Variants in ATP9B observed in about 807,000 individuals in gnomAD.
ATP9B encodes ATPase phospholipid transporting 9B, also known as probable phospholipid-transporting ATPase IIB.
Under a neutral mutation model 146.1 loss-of-function variants are expected in ATP9B, and 110 were observed. The ratio of observed to expected loss-of-function variants is 0.75; its 90% CI spans 0.65 to 0.88. The LOEUF is 0.88. Ranked by LOEUF, ATP9B falls within the 40% of genes least tolerant of loss-of-function variation. The pLI, the probability that ATP9B is intolerant of heterozygous loss-of-function variation, is 0.00. For missense variants in ATP9B, 1,499 were observed against 1,496.4 expected, an observed-to-expected ratio of 1.00 and a Z score of -0.03; for synonymous variants, 604 against 569.7, an observed-to-expected ratio of 1.06 and a Z score of -0.86.
chr18:79,356,794 T>G (rs2096956234), intron 25 of ATP9B, among the ~76,000 whole-genome samples: 1 of 151,920 alleles, frequency 6.6e-6, no homozygotes. Context: ...AGGGACCCTG[T>G]GTGAGGGGTG....
chr18:79,076,348 C>A (rs1426099289), intron 1 of ATP9B, among the ~76,000 whole-genome samples: 3 of 152,158 alleles, frequency 2.0e-5, no homozygotes, highest in Admixed American at 6.5e-5. Flanking sequence ...CTACTGGAAA[C>A]AAATTCTCTT....
chr18:79,288,442 C>CT (rs889293485), intron 13 of ATP9B, among the ~76,000 whole-genome samples: 30 of 151,916 alleles, frequency 2.0e-4, no homozygotes, highest in Middle Eastern at 3.4e-3. Flanking sequence ...CAACCCCTGC[C>CT]TTTTTTTTGT....
intron 13 of ATP9B, among the ~76,000 whole-genome samples, chr18:79,294,766 C>G (rs972940365): frequency 6.6e-6 from 1 of 152,150 alleles, no homozygotes; most frequent in Non-Finnish European, 1.5e-5. Flanking sequence ...ATGATACTGA[C>G]ATGCCCATGG....
intron 27 of ATP9B, 91 bp downstream of exon 27, chr18:79,372,973 C>G: frequency 1.1e-6 from 1 of 897,320 alleles, no homozygotes. Context: ...GATTAAATTC[C>G]AACAGCTTAA....
intron 11 of ATP9B, among the ~76,000 whole-genome samples, chr18:79,226,169 G>C (rs1337148376): frequency 6.6e-6 from 1 of 152,174 alleles, no homozygotes; most frequent in African/African-American, 2.4e-5. Flanking sequence ...TCATGTTTTG[G>C]GTGTCACAGC....
At chr18:79,283,511 A>G (rs1384117324) in intron 13 of ATP9B, among the ~76,000 whole-genome samples, 1 of 152,248 alleles carries the variant, frequency 6.6e-6, no homozygotes, top group Non-Finnish European at 1.5e-5. Flanking sequence ...ACGGCAGAAT[A>G]GAAAATGAAG....
At chr18:79,105,049 A>G (rs1301923242) in intron 2 of ATP9B, among the ~76,000 whole-genome samples, 1 of 152,212 alleles carries the variant, frequency 6.6e-6, no homozygotes, top group African/African-American at 2.4e-5. Flanking sequence ...GCACTAAGGA[A>G]TGTCCTACTG....
chr18:79,110,489 T>C lies in ATP9B; in HGVS notation c.428T>C (p.Phe143Ser). The C allele has an allele frequency of 6.2e-7, 1 of 1,611,536 alleles. No homozygotes were observed. Residue 143 changes from phenylalanine to serine, a missense_variant, in exon 3 of 30, where the codon TTT becomes TCT. Transcript: ENST00000426216. ...NSIKNQKYNV[F>S]TFIPGVLYEQ... is the part of the protein sequence containing the mutation. ...ATAAAAAATCAAAAATACAATGTGT[T>C]TACCTTTATACCTGGGGTAAGACTA...
At chr18:79,251,421 A>G (rs1411776136) in intron 11 of ATP9B, among the ~76,000 whole-genome samples, 3 of 152,264 alleles carry the variant, frequency 2.0e-5, no homozygotes, top group African/African-American at 7.2e-5. Context: ...TTACTATTTT[A>G]TGATTCTGTT....
chr18:79,106,589 A>G (rs945768674), intron 2 of ATP9B, among the ~76,000 whole-genome samples: 1 of 152,180 alleles, frequency 6.6e-6, no homozygotes, highest in Non-Finnish European at 1.5e-5. Context: ...ACATGATATG[A>G]TAGTGGCGTC....
At chr18:79,337,132 CAG>C in intron 18 of ATP9B, 145 bp from the exon 19 acceptor site, 1 of 1,114,544 alleles carries the variant, frequency 9.0e-7, no homozygotes. Context: ...CCATGCAGTC[CAG>C]CTCTGTGGAG....
chr18:79,230,986 T>C (rs1022823190), intron 11 of ATP9B, among the ~76,000 whole-genome samples: 1 of 152,168 alleles, frequency 6.6e-6, no homozygotes, highest in African/African-American at 2.4e-5. Flanking sequence ...TCTCTCACTT[T>C]ATACAAAAAT....
At chr18:79,370,517 A>T (rs886311492) in intron 26 of ATP9B, among the ~76,000 whole-genome samples, 1 of 152,200 alleles carries the variant, frequency 6.6e-6, no homozygotes, top group South Asian at 2.1e-4. Context: ...CATGAAACCC[A>T]TAGTGAATGA....
intron 26 of ATP9B, among the ~76,000 whole-genome samples, chr18:79,368,857 AG>A (rs2097051462): frequency 6.6e-6 from 1 of 151,854 alleles, no homozygotes; most frequent in Non-Finnish European, 1.5e-5. Flanking sequence ...TCAGCAGAGC[AG>A]GCCAGGCACT....
At chr18:79,217,086 G>C (rs1420676910) in intron 11 of ATP9B, among the ~76,000 whole-genome samples, 1 of 152,258 alleles carries the variant, frequency 6.6e-6, no homozygotes, top group Non-Finnish European at 1.5e-5. Flanking sequence ...GAGATCACAA[G>C]GCATGGAGCC....
At chr18:79,211,952 A>G (rs892989372) in intron 10 of ATP9B, among the ~76,000 whole-genome samples, 2 of 152,198 alleles carry the variant, frequency 1.3e-5, no homozygotes, top group South Asian at 2.1e-4. Flanking sequence ...TGTGACATTT[A>G]TATTTGTCAC....
At chr18:79,252,509 G>A (rs564965033) in intron 11 of ATP9B, among the ~76,000 whole-genome samples, 28 of 152,304 alleles carry the variant, frequency 1.8e-4, no homozygotes, top group African/African-American at 6.0e-4. Flanking sequence ...AGTCCATAGC[G>A]ATTGCTAGAG....
intron 7 of ATP9B, among the ~76,000 whole-genome samples, chr18:79,167,436 G>A (rs1375124605): frequency 6.6e-6 from 1 of 152,170 alleles, no homozygotes; most frequent in Non-Finnish European, 1.5e-5. Flanking sequence ...GGAGTAGGTA[G>A]CTCCTATCAG....
chr18:79,278,151 A>G (rs911371480), intron 13 of ATP9B, among the ~76,000 whole-genome samples: 3 of 152,250 alleles, frequency 2.0e-5, no homozygotes, highest in African/African-American at 7.2e-5. Context: ...AGTGGAGAAC[A>G]GACCGAAGAG....
Sources: allele counts gnomAD v4.1 joint callset (sites outside exome capture counted in the v4.1 genomes callset), GRCh38; gene constraint gnomAD v4.1.1; transcripts MANE v1.5; gene names NCBI Gene and HGNC (gene_info 2026-07-23, HGNC 2026-07-21).